The following SMIM36 variants were observed in gnomAD, a reference collection of about 807,000 sequenced individuals.
The protein encoded by SMIM36 is small integral membrane protein 36.
chr17:55,512,125 G>T (rs1024332137), upstream of SMIM36, among the ~76,000 whole-genome samples: 1 of 152,178 alleles, frequency 6.6e-6, no homozygotes, highest in Non-Finnish European at 1.5e-5. Flanking sequence ...GGTCAAAAAA[G>T]CTTCCATGCA....
intron 1 of SMIM36, among the ~76,000 whole-genome samples, chr17:55,504,402 G>C (rs1324133710): frequency 1.6e-5 from 1 of 63,666 alleles, no homozygotes; most frequent in Non-Finnish European, 2.5e-5. Flanking sequence ...AATCAAACTA[G>C]AACTCAGGAT....
the SMIM36 span, among the ~76,000 whole-genome samples, chr17:55,527,483 G>A: frequency 3.3e-5 from 5 of 151,692 alleles, no homozygotes; most frequent in Non-Finnish European, 7.4e-5. Flanking sequence ...AGGCCTGTGG[G>A]ATCCAGTTTT....
the SMIM36 span, among the ~76,000 whole-genome samples, chr17:55,516,947 G>T: frequency 6.6e-6 from 1 of 152,104 alleles, no homozygotes; most frequent in Non-Finnish European, 1.5e-5. Context: ...CTGAGAAGAC[G>T]CTTCTCCCCA....
chr17:55,498,029 C>T (rs1443717549), intron 1 of SMIM36, among the ~76,000 whole-genome samples: 21 of 152,204 alleles, frequency 1.4e-4, no homozygotes, highest in Admixed American at 1.4e-3. Flanking sequence ...AAGGCATCAG[C>T]CAGGCCATGT....
In SMIM36 at chr17:55,500,782, ATAT is replaced by A. The variant is rs1378557220; in HGVS notation, c.*174+10094_*174+10096del. Among the ~76,000 whole-genome samples, 173 of 59,480 alleles carry A rather than the reference ATAT, an allele frequency of 2.9e-3. 45 individuals carry two copies. Among genetic ancestry groups the A allele is most frequent in the African/African-American group, 3.5e-3 (29 of 8,378 alleles). The allele number at this position is 59,480 out of a possible 152,430, so 39.0% of individuals were successfully genotyped here. On this transcript the variant is annotated intron_variant, in intron 1 of 4. Transcript: ENST00000636752. Reference sequence around the variant, plus strand: ...TGTTTTATATTTTATAATATATAATATATTATTATATATTTTATAATATATTAT... The same window carrying A: ...TGTTTTATATTTTATAATATATAATATATTATATATTTTATAATATATTAT...
chr17:55,462,330 G>A (rs1421008288), intron 4 of SMIM36, among the ~76,000 whole-genome samples: 1 of 152,230 alleles, frequency 6.6e-6, no homozygotes, highest in Non-Finnish European at 1.5e-5. Flanking sequence ...GCTGCCATGT[G>A]CAGGGCATGG....
chr17:55,522,836 G>C, the SMIM36 span, among the ~76,000 whole-genome samples: 1 of 152,148 alleles, frequency 6.6e-6, no homozygotes, highest in Non-Finnish European at 1.5e-5. Context: ...TAGAAAGTAA[G>C]TTCCATGAAG....
the SMIM36 span, among the ~76,000 whole-genome samples, chr17:55,521,909 A>G: frequency 6.6e-6 from 1 of 151,262 alleles, no homozygotes. Flanking sequence ...GATTAATGCA[A>G]CTAGCATACC....
chr17:55,510,167 T>C (rs181302707), intron 1 of SMIM36, among the ~76,000 whole-genome samples: 2 of 152,178 alleles, frequency 1.3e-5, no homozygotes, highest in Admixed American at 6.5e-5. Context: ...AGCTAGCAAG[T>C]AGAAGAGGCA....
At chr17:55,475,588 T>A (rs1187099457) in intron 3 of SMIM36, among the ~76,000 whole-genome samples, 1 of 152,196 alleles carries the variant, frequency 6.6e-6, no homozygotes, top group Non-Finnish European at 1.5e-5. Context: ...TTTTTAAATG[T>A]AGAGTGTTGT....
chr17:55,520,430 A>G, the SMIM36 span, among the ~76,000 whole-genome samples: 6 of 152,230 alleles, frequency 3.9e-5, no homozygotes, highest in Admixed American at 2.6e-4. Context: ...GAAGCAATTT[A>G]TGGCTTCTGT....
At chr17:55,488,218 G>C (rs1285918819) in intron 1 of SMIM36, among the ~76,000 whole-genome samples, 2 of 152,156 alleles carry the variant, frequency 1.3e-5, no homozygotes, top group Non-Finnish European at 2.9e-5. Flanking sequence ...GTAGAGACTG[G>C]AAAAATGTGC....
At chr17:55,524,632 A>G in the SMIM36 span, among the ~76,000 whole-genome samples, 1 of 152,088 alleles carries the variant, frequency 6.6e-6, no homozygotes, top group Admixed American at 6.6e-5. Flanking sequence ...ATGAGATGGT[A>G]TCTCATTGTG....
chr17:55,501,058 ATAT>A (rs367947140), intron 1 of SMIM36, among the ~76,000 whole-genome samples: 1 of 57,010 alleles, frequency 1.8e-5, no homozygotes, highest in Non-Finnish European at 3.0e-5. Context: ...AATATATAAT[ATAT>A]TATTATATAT....
intron 1 of SMIM36, among the ~76,000 whole-genome samples, chr17:55,498,172 C>A (rs7213241): frequency 0.64 from 97,826 of 152,038 alleles, 31,963 homozygotes; most frequent in East Asian, 0.77. Context: ...CTTTTTATAA[C>A]GACACAGTCC....
chr17:55,474,673 C>T (rs1268996339), intron 3 of SMIM36, among the ~76,000 whole-genome samples: 2 of 152,162 alleles, frequency 1.3e-5, no homozygotes, highest in African/African-American at 4.8e-5. Context: ...GATTTTGGTT[C>T]TGATTCTGGT....
the SMIM36 span, among the ~76,000 whole-genome samples, chr17:55,521,378 C>A: frequency 6.6e-6 from 1 of 152,204 alleles, no homozygotes; most frequent in Non-Finnish European, 1.5e-5. Flanking sequence ...CAAATGTGAT[C>A]ACTTCCCTGG....
At chr17:55,508,472 A>C (rs1910123247) in intron 1 of SMIM36, among the ~76,000 whole-genome samples, 1 of 138,804 alleles carries the variant, frequency 7.2e-6, no homozygotes, top group African/African-American at 2.7e-5. Flanking sequence ...ATATATATGA[A>C]CCTGCCCTTT....
At chr17:55,492,628 T>TAA (rs57104591) in intron 1 of SMIM36, among the ~76,000 whole-genome samples, 44,674 of 143,092 alleles carry the variant, frequency 0.31, 10,290 homozygotes, top group African/African-American at 0.62. Flanking sequence ...TACACCCACT[T>TAA]AAAAAAAAAA....
Sources: gnomAD v4.1 joint callset for allele counts (sites outside exome capture counted in the v4.1 genomes callset) on GRCh38, gnomAD v4.1.1 for gene constraint, MANE v1.5 for transcripts, NCBI Gene and HGNC (gene_info 2026-07-23, HGNC 2026-07-21) for gene names.